Variants in ANKHD1 observed in about 807,000 individuals in gnomAD.
ANKHD1 encodes the protein ankyrin repeat and KH domain containing 1.
ANKHD1 carries 31 observed loss-of-function variants against 230.5 expected under a neutral mutation model. The ratio of observed to expected loss-of-function variants is 0.13; its 90% CI spans 0.10 to 0.18. The LOEUF is 0.18. Among genes scored for constraint, ANKHD1 ranks in the 10% least tolerant of loss-of-function variants. ANKHD1 has a pLI of 1.00. For synonymous variants in ANKHD1, 1,074 were observed against 1,117.6 expected (o/e 0.96, Z 0.78); for missense variants, 2,256 against 3,071.3 (o/e 0.73, Z 6.27).
chr5:140,410,093 A>G (rs1467655277), intron 1 of ANKHD1, among the ~76,000 whole-genome samples: 1 of 151,412 alleles, frequency 6.6e-6, no homozygotes, highest in Non-Finnish European at 1.5e-5. Flanking sequence ...AAGTCAAAGT[A>G]ATATAAGGGC....
chr5:140,471,396 T>G (rs1210231477), intron 10 of ANKHD1, among the ~76,000 whole-genome samples: 1 of 152,216 alleles, frequency 6.6e-6, no homozygotes, highest in Non-Finnish European at 1.5e-5. Context: ...CGTATTTTAA[T>G]GGGACTGGCT....
chr5:140,529,870 A>T, intron 29 of ANKHD1, 74 bp downstream of exon 29: 1 of 1,546,370 alleles, frequency 6.5e-7, no homozygotes, highest in Non-Finnish European at 8.7e-7. Context: ...GGACAAAAAA[A>T]GTAGCAAGAG....
At chr5:140,422,818 A>T (rs970579234) in intron 1 of ANKHD1, among the ~76,000 whole-genome samples, 1 of 55,380 alleles carries the variant, frequency 1.8e-5, no homozygotes, top group Non-Finnish European at 5.0e-5. Flanking sequence ...TTGGGGGGGA[A>T]AAAAGACATC....
intron 22 of ANKHD1, among the ~76,000 whole-genome samples, chr5:140,511,723 A>G (rs1752778683): frequency 6.6e-6 from 1 of 152,218 alleles, no homozygotes; most frequent in Admixed American, 6.5e-5. Flanking sequence ...CTTAAGGTAC[A>G]TGGTTTAGTT....
chr5:140,515,261 G>A (rs1289688048), intron 24 of ANKHD1, among the ~76,000 whole-genome samples: 2 of 151,342 alleles, frequency 1.3e-5, no homozygotes, highest in African/African-American at 2.4e-5. Context: ...CTGGGTGACA[G>A]AGCTAGATTC....
At chr5:140,482,244 C>T (rs1157476025) in intron 10 of ANKHD1, among the ~76,000 whole-genome samples, 4 of 152,038 alleles carry the variant, frequency 2.6e-5, no homozygotes, top group Admixed American at 2.6e-4. Flanking sequence ...GACTGAGGTT[C>T]CTTTTTCACA....
At chr5:140,449,337 ATG>A (rs1446958091) in intron 7 of ANKHD1, 32 bp downstream of exon 7, 2 of 1,603,810 alleles carry the variant, frequency 1.2e-6, no homozygotes, top group African/African-American at 2.7e-5. Context: ...TTGAGATTTT[ATG>A]GGAAGAAAAG....
chr5:140,436,027 AT>A lies in ANKHD1; in HGVS notation c.307-76del. The A allele has an allele frequency of 4.5e-6, 6 of 1,343,182 alleles. No individual in the cohort carries two copies. In the East Asian group the frequency reaches 1.7e-4, roughly 39 times the overall value. The allele number at this position is 1,343,182 out of a possible 1,614,324, so 83.2% of individuals were successfully genotyped here. A position where few individuals can be genotyped will look rare whatever the true frequency, so the allele number is the denominator to read the frequency against. On this transcript the variant is annotated intron_variant, in intron 1 of 33. Coordinates refer to ENST00000360839, the MANE Select transcript of ANKHD1 (RefSeq NM_017747.3). Reference sequence around the variant, plus strand: ...ATATTTAAGTTCTAATTAAGAAGTCATATTACCTTAAATTGTAGTTATTCTA... The same window carrying A: ...ATATTTAAGTTCTAATTAAGAAGTCAATTACCTTAAATTGTAGTTATTCTA...
At chr5:140,475,953 C>T (rs1750943331) in intron 10 of ANKHD1, among the ~76,000 whole-genome samples, 1 of 152,050 alleles carries the variant, frequency 6.6e-6, no homozygotes, top group Admixed American at 6.5e-5. Context: ...TTGAAATAAA[C>T]TTTAATCTTG....
In ANKHD1 at chr5:140,445,870, G is replaced by A. The variant is rs1183698900; in HGVS notation, c.1042G>A (p.Ala348Thr). ...TACTCCCTTAATGGAAGCAGCCAGT[G>A]CAGGTCATGTGGAAGTTGCAAGAGT... The part of the protein sequence containing the change: ...GHTPLMEAAS[A>T]GHVEVARVLL... The change falls in exon 6 of 34, where the codon GCA (alanine) becomes ACA (threonine). Residue 348 changes from alanine to threonine, a missense_variant. Physicochemically the swap from Ala to Thr is moderately conservative, Grantham distance 58. Coordinates refer to ENST00000360839, the MANE Select transcript of ANKHD1 (RefSeq NM_017747.3). 1.2e-6 allele frequency: 2 copies of A among 1,613,686 alleles called. No individual in the cohort carries two copies. Among genetic ancestry groups the A allele is most frequent in the East Asian group, 2.2e-5 (1 of 44,870 alleles).
chr5:140,409,915 A>G (rs1441218542), intron 1 of ANKHD1, among the ~76,000 whole-genome samples: 6 of 152,070 alleles, frequency 3.9e-5, no homozygotes, highest in Non-Finnish European at 8.8e-5. Context: ...AAGCCTTAAG[A>G]CTTTACATAT....
chr5:140,525,374 C>T (rs1226132445), intron 25 of ANKHD1, among the ~76,000 whole-genome samples: 1 of 151,876 alleles, frequency 6.6e-6, no homozygotes, highest in Non-Finnish European at 1.5e-5. Flanking sequence ...GTGATCCGCC[C>T]ACCCCAGCCT....
At chr5:140,418,631 C>T (rs1771600106) in intron 1 of ANKHD1, among the ~76,000 whole-genome samples, 3 of 152,144 alleles carry the variant, frequency 2.0e-5, no homozygotes, top group Admixed American at 2.0e-4. Context: ...CTGGGCATTT[C>T]GTATAAACAG....
intron 9 of ANKHD1, among the ~76,000 whole-genome samples, chr5:140,461,668 T>G (rs1305175475): frequency 6.6e-6 from 1 of 152,196 alleles, no homozygotes; most frequent in Non-Finnish European, 1.5e-5. Flanking sequence ...AAATTATTTT[T>G]ATTTAAAAGA....
Position 140,527,807 on chromosome 5 carries a change from T to G in ANKHD1, c.5088-66T>G, listed in dbSNP as rs1224929018. ...CCAAAATGTCCATGAACATACTTAC[T>G]AAGACATCTTTCTTAATAAAGAGAC... is the stretch of plus-strand genomic sequence containing the variant. On this transcript the variant is annotated intron_variant, in intron 27 of 33. Transcript: ENST00000360839. This position sits in a 1 kb window ranked among gnomAD's most constrained non-coding sequence, Gnocchi z 4.5. 6.6e-7 allele frequency: 1 copy of G among 1,521,238 alleles called. No homozygotes were observed. The highest frequency in any genetic ancestry group is 8.8e-7 in the Non-Finnish European group (1 of 1,132,302). 94.2% of individuals were successfully genotyped at this position (1,521,238 alleles called of 1,614,324 possible).
At chr5:140,404,989 G>A (rs1254051966) in intron 1 of ANKHD1, among the ~76,000 whole-genome samples, 1 of 151,024 alleles carries the variant, frequency 6.6e-6, no homozygotes, top group East Asian at 1.9e-4. Context: ...GTGTGTGTGT[G>A]TGTGTGTGTG....
chr5:140,475,048 A>G (rs936826840), intron 10 of ANKHD1, among the ~76,000 whole-genome samples: 2 of 152,214 alleles, frequency 1.3e-5, no homozygotes, highest in Non-Finnish European at 2.9e-5. Context: ...CCTATGGAAT[A>G]CACAAAACTC....
At chr5:140,511,269 A>C (rs904856716) in intron 22 of ANKHD1, among the ~76,000 whole-genome samples, 3 of 152,014 alleles carry the variant, frequency 2.0e-5, no homozygotes, top group Admixed American at 1.3e-4. Context: ...CTTCATGTCA[A>C]CCTCCCCATA....
At chr5:140,453,995 T>C (rs976958050) in intron 7 of ANKHD1, among the ~76,000 whole-genome samples, 1 of 151,790 alleles carries the variant, frequency 6.6e-6, no homozygotes, top group Non-Finnish European at 1.5e-5. Flanking sequence ...CACACATAGG[T>C]TCAAAATAAA....
Sources: gnomAD v4.1 joint callset for allele counts (sites outside exome capture counted in the v4.1 genomes callset) on GRCh38, gnomAD v4.1.1 for gene constraint, Gnocchi (gnomAD v3.1) non-coding constraint, MANE v1.5 for transcripts, NCBI Gene and HGNC (gene_info 2026-07-23, HGNC 2026-07-21) for gene names.